The following MAPK10 variants were observed in gnomAD, a reference collection of about 807,000 sequenced individuals.
The protein encoded by MAPK10 is mitogen-activated protein kinase 10, also known as JNK3 alpha protein kinase.
MAPK10 carries 25 observed loss-of-function variants against 59.3 expected under a neutral mutation model. That is an observed-to-expected ratio of 0.42 (90% CI 0.31 to 0.59). MAPK10 has a LOEUF of 0.59. Ranked by LOEUF, MAPK10 falls within the 20% of genes least tolerant of loss-of-function variation. The probability of loss-of-function intolerance (pLI) is 0.15; values close to 1 mark genes in which losing one functional copy is unlikely to be tolerated. For missense variants in MAPK10, 351 were observed against 568.9 expected (o/e 0.62, Z 3.90); for synonymous variants, 190 against 200.5 (o/e 0.95, Z 0.44).
chr4:86,406,963 C>A (rs1035419137), intron 1 of MAPK10, among the ~76,000 whole-genome samples: 5 of 152,134 alleles, frequency 3.3e-5, no homozygotes, highest in Admixed American at 2.0e-4. Flanking sequence ...GAACTCAGGG[C>A]CTCAATCTCC....
At chr4:86,346,568 C>T (rs1728333869) in intron 2 of MAPK10, among the ~76,000 whole-genome samples, 1 of 152,098 alleles carries the variant, frequency 6.6e-6, no homozygotes, top group African/African-American at 2.4e-5. Context: ...CTGAAACTCA[C>T]AAAAGATGAA....
At chr4:86,548,074 A>G (rs1759394674) in intron 1 of MAPK10, among the ~76,000 whole-genome samples, 1 of 151,692 alleles carries the variant, frequency 6.6e-6, no homozygotes, top group African/African-American at 2.4e-5. Flanking sequence ...TGGTTCTTTC[A>G]CTCTTTGCAA....
chr4:86,190,755 T>C (rs1408825030), intron 3 of MAPK10, among the ~76,000 whole-genome samples: 1 of 152,196 alleles, frequency 6.6e-6, no homozygotes. Flanking sequence ...TCAGTTCTGC[T>C]CTGATCTTAG....
chr4:86,342,970 T>G (rs1302836644), intron 2 of MAPK10, among the ~76,000 whole-genome samples: 1 of 152,106 alleles, frequency 6.6e-6, no homozygotes, highest in Admixed American at 6.6e-5. Context: ...AGACCCCAAA[T>G]TCCTTCACAG....
chr4:86,137,984 G>A (rs2062646550), intron 4 of MAPK10, among the ~76,000 whole-genome samples: 1 of 122,108 alleles, frequency 8.2e-6, no homozygotes, highest in African/African-American at 3.2e-5. Flanking sequence ...GACTAAACCA[G>A]GAAGAAGTTG....
In MAPK10 at chr4:86,461,486, G is replaced by C. The variant is rs533390150; in HGVS notation, c.-262-106842C>G. Among the ~76,000 whole-genome samples, 5 of 152,308 alleles carry C rather than the reference G, an allele frequency of 3.3e-5. No homozygotes were observed. In the South Asian group the frequency reaches 1.0e-3, roughly 32 times the overall value. On this transcript the variant is annotated intron_variant, in intron 1 of 4. Transcript: ENST00000502302. ...TTCCAGCACTTTGGGAGGCCAAGGT[G>C]GGTGGATCACTTCACCTGAGTATCT...
intron 1 of MAPK10, among the ~76,000 whole-genome samples, chr4:86,512,188 T>C (rs1412367034): frequency 6.6e-6 from 1 of 152,200 alleles, no homozygotes; most frequent in Non-Finnish European, 1.5e-5. Flanking sequence ...AAGCATACTT[T>C]TGAGAACAAA....
intron 3 of MAPK10, among the ~76,000 whole-genome samples, chr4:86,180,359 G>A (rs1166194086): frequency 6.6e-6 from 1 of 151,730 alleles, no homozygotes; most frequent in Non-Finnish European, 1.5e-5. Flanking sequence ...ATGGAGAAAA[G>A]GAAGCTCTTA....
chr4:86,544,278 T>G (rs571861994), intron 1 of MAPK10, among the ~76,000 whole-genome samples: 1 of 152,156 alleles, frequency 6.6e-6, no homozygotes, highest in Non-Finnish European at 1.5e-5. Flanking sequence ...GGAGATAACA[T>G]AGAAAGGATA....
At chr4:86,219,205 A>G (rs369617271) in intron 2 of MAPK10, among the ~76,000 whole-genome samples, 4 of 152,210 alleles carry the variant, frequency 2.6e-5, no homozygotes, top group East Asian at 3.9e-4. Context: ...TTTCCATGGT[A>G]TTGGGGGCAG....
At chr4:86,184,090 T>A (rs1165688391) in intron 3 of MAPK10, among the ~76,000 whole-genome samples, 1 of 152,180 alleles carries the variant, frequency 6.6e-6, no homozygotes, top group African/African-American at 2.4e-5. Flanking sequence ...TTCTGTAGGT[T>A]GCCTGTTCAC....
chr4:86,396,211 G>T (rs910487473), intron 1 of MAPK10, among the ~76,000 whole-genome samples: 2 of 152,150 alleles, frequency 1.3e-5, no homozygotes, highest in East Asian at 3.9e-4. Flanking sequence ...GCCAGGCCTG[G>T]TGGCGGGCGC....
At chr4:86,258,701 T>A (rs189520876) in intron 2 of MAPK10, among the ~76,000 whole-genome samples, 1 of 152,296 alleles carries the variant, frequency 6.6e-6, no homozygotes, top group East Asian at 1.9e-4. Flanking sequence ...TTTCAATTCA[T>A]ATCTTACCTA....
At chr4:86,119,876 G>C (rs1423963836) in intron 4 of MAPK10, 1 of 152,258 alleles carries the variant, frequency 6.6e-6, no homozygotes, top group Non-Finnish European at 1.5e-5. Context: ...CCCAATTCAG[G>C]ACAGCTGGTA....
intron 1 of MAPK10, among the ~76,000 whole-genome samples, chr4:86,452,631 A>G (rs748459475): frequency 5.9e-5 from 9 of 152,158 alleles, no homozygotes; most frequent in Non-Finnish European, 1.2e-4. Flanking sequence ...AACACACCAT[A>G]GCAAGGGACC....
At chr4:86,504,219 A>G (rs1007906796) in intron 1 of MAPK10, among the ~76,000 whole-genome samples, 1 of 152,082 alleles carries the variant, frequency 6.6e-6, no homozygotes, top group African/African-American at 2.4e-5. Context: ...ATTTTCCCAG[A>G]GCCTAAAAGA....
At chr4:86,176,683 A>G (rs1177086764) in intron 3 of MAPK10, among the ~76,000 whole-genome samples, 2 of 152,136 alleles carry the variant, frequency 1.3e-5, no homozygotes, top group South Asian at 4.1e-4. Flanking sequence ...GAAGCATAGC[A>G]CTAAATTAAC....
At chr4:86,398,251 A>G (rs1743237041) in intron 1 of MAPK10, among the ~76,000 whole-genome samples, 1 of 152,116 alleles carries the variant, frequency 6.6e-6, no homozygotes, top group Non-Finnish European at 1.5e-5. Context: ...AAGAAAAGAA[A>G]AGAAAAAAGG....
At chr4:86,419,676 A>G (rs1295653657) in intron 1 of MAPK10, among the ~76,000 whole-genome samples, 1 of 152,212 alleles carries the variant, frequency 6.6e-6, no homozygotes, top group African/African-American at 2.4e-5. Context: ...ATGTTTTATA[A>G]GAGAATGTTC....
Sources: allele counts gnomAD v4.1 joint callset (sites outside exome capture counted in the v4.1 genomes callset), GRCh38; gene constraint gnomAD v4.1.1; transcripts MANE v1.5; gene names NCBI Gene and HGNC (gene_info 2026-07-23, HGNC 2026-07-21).